Variants in SKAP1 observed in about 807,000 individuals in gnomAD.
SKAP1 encodes the protein src kinase associated phosphoprotein 1.
SKAP1 carries 44 observed loss-of-function variants against 58.5 expected under a neutral mutation model. That is an observed-to-expected ratio of 0.75 (90% CI 0.59 to 0.97). The LOEUF is 0.97. SKAP1 is among the 50% of genes least tolerant of loss of function. The probability of loss-of-function intolerance (pLI) is 0.00; values close to 1 mark genes in which losing one functional copy is unlikely to be tolerated. For synonymous variants in SKAP1, 127 were observed against 149.7 expected, an observed-to-expected ratio of 0.85 and a Z score of 1.11; for missense variants, 390 against 435.2, an observed-to-expected ratio of 0.90 and a Z score of 0.92.
At chr17:48,287,043 C>T (rs1186026272) in intron 4 of SKAP1, among the ~76,000 whole-genome samples, 1 of 151,748 alleles carries the variant, frequency 6.6e-6, no homozygotes, top group Non-Finnish European at 1.5e-5. Flanking sequence ...TTGCAGTGAG[C>T]CAAGATCGTG....
chr17:48,156,861 T>C (rs2063984638), intron 11 of SKAP1, among the ~76,000 whole-genome samples: 2 of 152,224 alleles, frequency 1.3e-5, no homozygotes, highest in African/African-American at 4.8e-5. Context: ...TGGATTTTCA[T>C]GTAGGCCTCT....
intron 4 of SKAP1, among the ~76,000 whole-genome samples, chr17:48,266,913 A>G (rs1159560970): frequency 6.6e-6 from 1 of 152,196 alleles, no homozygotes; most frequent in East Asian, 1.9e-4. Flanking sequence ...TGAAGTGGAA[A>G]TGTCCAAATA....
At chr17:48,155,330 G>A (rs1450200628) in intron 11 of SKAP1, among the ~76,000 whole-genome samples, 1 of 151,210 alleles carries the variant, frequency 6.6e-6, no homozygotes, top group African/African-American at 2.4e-5. Flanking sequence ...GTTTTGCCAT[G>A]TTGGCCAGGC....
At chr17:48,193,134 C>T (rs1287729940) in intron 4 of SKAP1, among the ~76,000 whole-genome samples, 3 of 152,132 alleles carry the variant, frequency 2.0e-5, no homozygotes, top group African/African-American at 4.8e-5. Flanking sequence ...CTCCACCTCC[C>T]GGGTTCAAGC....
intron 4 of SKAP1, among the ~76,000 whole-genome samples, chr17:48,330,672 T>A (rs2066493533): frequency 6.6e-6 from 1 of 152,228 alleles, no homozygotes; most frequent in South Asian, 2.1e-4. Context: ...ACACCCTAAG[T>A]GACAGCACAT....
intron 4 of SKAP1, among the ~76,000 whole-genome samples, chr17:48,242,017 G>A (rs2065248244): frequency 6.6e-6 from 1 of 152,178 alleles, no homozygotes; most frequent in Admixed American, 6.5e-5. Flanking sequence ...ATGAGGTTGA[G>A]TTAAGACAGC....
At chr17:48,177,538 G>C (rs933553181) in intron 9 of SKAP1, among the ~76,000 whole-genome samples, 3 of 152,136 alleles carry the variant, frequency 2.0e-5, no homozygotes, top group African/African-American at 7.2e-5. Context: ...TTTAGAGCTA[G>C]TATCTGTGCC....
chr17:48,360,860 T>C (rs545657922), intron 3 of SKAP1, among the ~76,000 whole-genome samples: 110 of 152,286 alleles, frequency 7.2e-4, no homozygotes, highest in Middle Eastern at 3.4e-3. Context: ...TGGCTTTTTT[T>C]TTCCCACTAT....
At chr17:48,189,202 A>G (rs1444493730) in intron 5 of SKAP1, among the ~76,000 whole-genome samples, 8 of 152,182 alleles carry the variant, frequency 5.3e-5, no homozygotes, top group African/African-American at 1.7e-4. Context: ...GGACATAACC[A>G]TCCCTATCCT....
chr17:48,312,611 T>C (rs903016382), intron 4 of SKAP1, among the ~76,000 whole-genome samples: 2 of 152,186 alleles, frequency 1.3e-5, no homozygotes, highest in African/African-American at 4.8e-5. Flanking sequence ...TAATGGAAGT[T>C]CTACATGCAT....
In SKAP1 at chr17:48,170,523, T is replaced by G. The variant is rs1201722292; in HGVS notation, c.877+86A>C. ...CCTCTTAATTATTGAGTTCAGTAAT[T>G]TTTGTAGTCTCAGAGAAAGGTGCTT... On this transcript the variant is annotated intron_variant, in intron 10 of 12. Coordinates refer to ENST00000336915, the MANE Select transcript of SKAP1 (RefSeq NM_003726.4). 2.6e-6 allele frequency: 3 copies of G among 1,157,826 alleles called. No homozygotes were observed. In the African/African-American group the frequency reaches 4.6e-5, roughly 18 times the overall value. The allele number at this position is 1,157,826 out of a possible 1,614,324, so 71.7% of individuals were successfully genotyped here. A position where few individuals can be genotyped will look rare whatever the true frequency, so the allele number is the denominator to read the frequency against.
chr17:48,425,622 AT>A (rs1332113151), intron 1 of SKAP1, among the ~76,000 whole-genome samples: 1 of 152,210 alleles, frequency 6.6e-6, no homozygotes, highest in Non-Finnish European at 1.5e-5. Context: ...GCCAAAATAC[AT>A]CTTACAAAGC....
chr17:48,343,401 G>A (rs1371313363), intron 4 of SKAP1, among the ~76,000 whole-genome samples: 1 of 152,104 alleles, frequency 6.6e-6, no homozygotes. Context: ...TATTGTGCCT[G>A]TTATGTATTA....
chr17:48,344,411 A>C (rs1043427052), intron 4 of SKAP1: 1 of 154,020 alleles, frequency 6.5e-6, no homozygotes, highest in African/African-American at 2.4e-5. Flanking sequence ...AGCAAGGTAC[A>C]TAAGTCACAT....
Position 48,324,608 on chromosome 17 carries a change from T to A in SKAP1, c.280+21297A>T, listed in dbSNP as rs749771110. Among the ~76,000 whole-genome samples the A allele has an allele frequency of 1.8e-4, 28 of 152,104 alleles. 1 individual carries two copies. The highest frequency in any genetic ancestry group is 2.9e-4 in the Non-Finnish European group (20 of 67,992). Reference sequence around the variant, plus strand: ...TTCCATAGTCATTATATAAATATTATTCTACAAACACCACTTTTAGTGGTT... The same window carrying A: ...TTCCATAGTCATTATATAAATATTAATCTACAAACACCACTTTTAGTGGTT... On this transcript the variant is annotated intron_variant, in intron 4 of 12. Coordinates refer to ENST00000336915, the MANE Select transcript of SKAP1 (RefSeq NM_003726.4).
In SKAP1 at chr17:48,345,900, C is replaced by T. The variant is rs1260776822; in HGVS notation, c.280+5G>A. 6.3e-7 allele frequency: 1 copy of T among 1,599,024 alleles called. No individual in the cohort carries two copies. Among genetic ancestry groups the T allele is most frequent in the Non-Finnish European group, 8.6e-7 (1 of 1,166,692 alleles). ...TCACCCAAAATCCAGAAGGATAACA[C>T]TCACCCTCATCCTGATAATCTGACA... On this transcript the variant is annotated splice_donor_5th_base_variant and intron_variant, in intron 4 of 12. Transcript: ENST00000336915.
chr17:48,314,343 G>A (rs2066262289), intron 4 of SKAP1, among the ~76,000 whole-genome samples: 2 of 152,154 alleles, frequency 1.3e-5, no homozygotes, highest in Non-Finnish European at 1.5e-5. Flanking sequence ...AGAAAACACC[G>A]ATAAAGTCAA....
chr17:48,175,259 TAAAG>T (rs1025404036), intron 9 of SKAP1, among the ~76,000 whole-genome samples: 2 of 152,034 alleles, frequency 1.3e-5, no homozygotes, highest in African/African-American at 2.4e-5. Context: ...CTTCCCCAAA[TAAAG>T]AAAGTGATAA....
chr17:48,158,594 A>G (rs956822670), intron 11 of SKAP1, among the ~76,000 whole-genome samples: 4 of 149,660 alleles, frequency 2.7e-5, no homozygotes, highest in Non-Finnish European at 5.9e-5. Context: ...AGAAAAAAGA[A>G]AAAAAAAGAT....
Sources: gnomAD v4.1 joint callset for allele counts (sites outside exome capture counted in the v4.1 genomes callset) on GRCh38, gnomAD v4.1.1 for gene constraint, MANE v1.5 for transcripts, NCBI Gene and HGNC (gene_info 2026-07-23, HGNC 2026-07-21) for gene names.